ZNF385D: variants seen among roughly 807,000 people sequenced by gnomAD.
ZNF385D encodes zinc finger protein 385D, also known as zinc finger protein 659.
In ZNF385D, 15 loss-of-function variants were observed where a neutral mutation model predicts 35.8. That is an observed-to-expected ratio of 0.42 (90% CI 0.28 to 0.64). The LOEUF (loss-of-function observed/expected upper bound fraction) is 0.64, where lower values mean the gene tolerates loss of function less well. ZNF385D is among the 30% of genes least tolerant of loss of function. The probability of loss-of-function intolerance (pLI) is 0.23; values close to 1 mark genes in which losing one functional copy is unlikely to be tolerated. For missense variants in ZNF385D, 474 were observed against 494.6 expected, an observed-to-expected ratio of 0.96 and a Z score of 0.39; for synonymous variants, 212 against 186.8, an observed-to-expected ratio of 1.13 and a Z score of -1.10.
At chr3:21,894,407 T>C (rs1347579211) in intron 3 of ZNF385D, among the ~76,000 whole-genome samples, 1 of 152,172 alleles carries the variant, frequency 6.6e-6, no homozygotes, top group African/African-American at 2.4e-5. Flanking sequence ...TGAGCAAATG[T>C]TTGAAGCCAA....
chr3:21,553,168 T>C (rs1324833372), intron 3 of ZNF385D, among the ~76,000 whole-genome samples: 1 of 152,142 alleles, frequency 6.6e-6, no homozygotes, highest in African/African-American at 2.4e-5. Context: ...AGAAAGAACA[T>C]AACCTTGCAG....
chr3:21,437,627 T>C (rs1399810633), intron 4 of ZNF385D, among the ~76,000 whole-genome samples: 1 of 150,790 alleles, frequency 6.6e-6, no homozygotes, highest in African/African-American at 2.4e-5. Context: ...ACTACTTATC[T>C]ATTTTACTTC....
intron 2 of ZNF385D, among the ~76,000 whole-genome samples, chr3:22,254,145 TAA>T (rs1048210150): frequency 6.6e-6 from 1 of 151,786 alleles, no homozygotes; most frequent in South Asian, 2.1e-4. Context: ...CATGATCAGT[TAA>T]AGAGAGAAAG....
Position 21,417,236 on chromosome 3 carries a change from G to C in ZNF385D, c.*3978C>G, listed in dbSNP as rs936164394. 3 of 152,020 alleles carry C rather than the reference G, an allele frequency of 2.0e-5. No homozygotes were observed. The highest frequency in any genetic ancestry group is 7.2e-5 in the African/African-American group (3 of 41,396). The allele number at this position is 152,020 out of a possible 1,614,324, so 9.4% of individuals were successfully genotyped here. ...ATAAAAGCAATGCCCCTCTAGTGCT[G>C]ATGTATTAAACCAGCTTAGCTATTA... is the stretch of plus-strand genomic sequence containing the variant. On this transcript the variant is annotated 3_prime_UTR_variant, in exon 8 of 8. Coordinates refer to ENST00000281523, the MANE Select transcript of ZNF385D (RefSeq NM_024697.3).
chr3:22,371,944 A>G (rs539389509), intron 2 of ZNF385D, among the ~76,000 whole-genome samples: 7 of 152,210 alleles, frequency 4.6e-5, no homozygotes, highest in South Asian at 2.1e-4. Context: ...GAAGAAGAAG[A>G]AGGAAATGAA....
At chr3:22,081,287 T>A (rs1457732157) in intron 3 of ZNF385D, among the ~76,000 whole-genome samples, 1 of 152,184 alleles carries the variant, frequency 6.6e-6, no homozygotes, top group Non-Finnish European at 1.5e-5. Flanking sequence ...TACTGGGAGC[T>A]ATATAGTATA....
chr3:22,073,352 G>A (rs1028374568), intron 3 of ZNF385D, among the ~76,000 whole-genome samples: 6 of 149,164 alleles, frequency 4.0e-5, no homozygotes, highest in Admixed American at 6.7e-5. Context: ...AAGGAAATTC[G>A]TGTAATTTCC....
chr3:22,028,036 A>G (rs1170823336), intron 3 of ZNF385D, among the ~76,000 whole-genome samples: 6 of 152,110 alleles, frequency 3.9e-5, no homozygotes, highest in Non-Finnish European at 8.8e-5. Flanking sequence ...CTCTGCATGT[A>G]AGGAGAAATG....
At chr3:21,756,780 G>C (rs1290749498) in intron 3 of ZNF385D, among the ~76,000 whole-genome samples, 1 of 152,186 alleles carries the variant, frequency 6.6e-6, no homozygotes, top group Non-Finnish European at 1.5e-5. Context: ...TTAAGCCTGA[G>C]TTGGCCTATA....
chr3:22,167,918 C>G (rs984319703), intron 3 of ZNF385D, among the ~76,000 whole-genome samples: 1 of 152,038 alleles, frequency 6.6e-6, no homozygotes, highest in Non-Finnish European at 1.5e-5. Context: ...TAAATGAAAA[C>G]CACATAAAGC....
chr3:21,964,412 T>TAAAAAAAAAAAA (rs60635259), intron 3 of ZNF385D, among the ~76,000 whole-genome samples: 96 of 71,464 alleles, frequency 1.3e-3, no homozygotes, highest in Non-Finnish European at 1.8e-3. Flanking sequence ...GTCCTTTTTG[T>TAAAAAAAAAAAA]AAAAAAAAAA....
At chr3:22,135,307 C>CACACACATACCCCAACAT (rs781661325) in intron 3 of ZNF385D, among the ~76,000 whole-genome samples, 12 of 151,984 alleles carry the variant, frequency 7.9e-5, no homozygotes, top group African/African-American at 2.2e-4. Flanking sequence ...AACACACACA[C>CACACACATACCCCAACAT]ACACACATAC....
chr3:21,641,930 T>C (rs2065618188), intron 2 of ZNF385D, among the ~76,000 whole-genome samples: 1 of 152,132 alleles, frequency 6.6e-6, no homozygotes, highest in Non-Finnish European at 1.5e-5. Flanking sequence ...TGCCAGCAGC[T>C]GCGCCAATAG....
intron 3 of ZNF385D, among the ~76,000 whole-genome samples, chr3:21,826,382 A>G (rs958684552): frequency 2.0e-5 from 3 of 152,190 alleles, no homozygotes; most frequent in Non-Finnish European, 2.9e-5. Context: ...GTTCAGTGCT[A>G]GTAGCTGAAC....
intron 2 of ZNF385D, among the ~76,000 whole-genome samples, chr3:22,272,226 C>T (rs990661844): frequency 6.6e-6 from 1 of 152,002 alleles, no homozygotes; most frequent in Admixed American, 6.6e-5. Flanking sequence ...ATCCTGACCA[C>T]CTTATCCTTT....
At chr3:21,752,529 G>A (rs2070151258), upstream of ZNF385D, among the ~76,000 whole-genome samples, 3 of 152,106 alleles carry the variant, frequency 2.0e-5, no homozygotes, top group African/African-American at 7.2e-5. Flanking sequence ...GGCTTTCTGT[G>A]CAATCTTGCA....
chr3:22,223,036 ATTT>A (rs2125283370), intron 2 of ZNF385D, among the ~76,000 whole-genome samples: 1 of 152,150 alleles, frequency 6.6e-6, no homozygotes, highest in South Asian at 2.1e-4. Context: ...CATTATTTCC[ATTT>A]TTTAAAGATA....
At chr3:21,885,319 T>C (rs1295772142) in intron 3 of ZNF385D, among the ~76,000 whole-genome samples, 3 of 152,082 alleles carry the variant, frequency 2.0e-5, no homozygotes, top group Non-Finnish European at 2.9e-5. Context: ...CTAACATTTG[T>C]ATTGAACTAT....
Position 22,259,980 on chromosome 3 carries a change from C to T in ZNF385D, c.107-90945G>A, listed in dbSNP as rs376471571. Among the ~76,000 whole-genome samples, 257 of 151,848 alleles carry T rather than the reference C, an allele frequency of 1.7e-3. 2 individuals carry two copies. Among genetic ancestry groups the T allele is most frequent in the African/African-American group, 4.9e-3 (203 of 41,448 alleles). ...AAAAGAGAAAAGGATTGTTAGGACA[C>T]GAAAAGGTCATAAGCAAAACAGGGA... On this transcript the variant is annotated intron_variant, in intron 2 of 5. Coordinates refer to the ZNF385D transcript ENST00000494108.
Sources: allele counts gnomAD v4.1 joint callset (sites outside exome capture counted in the v4.1 genomes callset), GRCh38; gene constraint gnomAD v4.1.1; transcripts MANE v1.5; gene names NCBI Gene and HGNC (gene_info 2026-07-23, HGNC 2026-07-21).